Variants in VPS53 observed in about 807,000 individuals in gnomAD.
VPS53 encodes VPS53 subunit of GARP complex.
A neutral mutation model predicts 107.0 loss-of-function variants in VPS53; 70 were observed. The ratio of observed to expected loss-of-function variants is 0.65; its 90% confidence interval spans 0.54 to 0.80. The LOEUF is 0.80. Ranked by LOEUF, VPS53 falls within the 30% of genes least tolerant of loss-of-function variation. The pLI is 0.00. For missense variants in VPS53, 917 were observed against 1,049.4 expected, an observed-to-expected ratio of 0.87 and a Z score of 1.74; for synonymous variants, 409 against 393.3, an observed-to-expected ratio of 1.04 and a Z score of -0.47.
At position 713,647 on chromosome 17, in the gene VPS53, G is replaced by A. The variant is rs151254309; in HGVS notation, c.87+976C>T. Among the ~76,000 whole-genome samples the A allele has an allele frequency of 3.8e-3, 569 of 151,346 alleles. 3 individuals are homozygous for A. Among genetic ancestry groups the A allele is most frequent in the Middle Eastern group, 0.014 (4 of 294 alleles). ...AACCTGGGCGAAAGAGCGAGACTCCGTCTCAGAAAACAAAAAAAAAGAAAA... is the reference window on the plus strand; with the variant it reads ...AACCTGGGCGAAAGAGCGAGACTCCATCTCAGAAAACAAAAAAAAAGAAAA... On this transcript the variant is annotated intron_variant, in intron 1 of 21. Transcript: ENST00000437048.
At chr17:583,328 C>T (rs1445477380) in intron 13 of VPS53, among the ~76,000 whole-genome samples, 1 of 151,546 alleles carries the variant, frequency 6.6e-6, no homozygotes, top group Non-Finnish European at 1.5e-5. Context: ...TAATGCATTC[C>T]CACAGAACCT....
At chr17:529,507 A>C (rs561121570) in intron 19 of VPS53, among the ~76,000 whole-genome samples, 2 of 152,204 alleles carry the variant, frequency 1.3e-5, no homozygotes, top group South Asian at 4.1e-4. Flanking sequence ...TTTTGGAATA[A>C]TTTGCCGCTT....
rs1969787665 is a variant in VPS53 at position 627,978 on chromosome 17, A to C, written c.831+110T>G. On this transcript the variant is annotated intron_variant, in intron 9 of 21. Coordinates refer to ENST00000437048, the MANE Select transcript of VPS53 (RefSeq NM_001128159.3). ...CCCTAGGACTCACAGCTCAACAACC[A>C]ACACTGTCAGACAGTCATGTAATAC... is the stretch of plus-strand genomic sequence containing the variant. The C allele has an allele frequency of 8.8e-6, 10 of 1,134,752 alleles. No homozygotes were observed. In the East Asian group the frequency reaches 2.1e-4, roughly 23 times the overall value. The allele number at this position is 1,134,752 out of a possible 1,614,324, so 70.3% of individuals were successfully genotyped here. A position where few individuals can be genotyped will look rare whatever the true frequency, so the allele number is the denominator to read the frequency against.
intron 7 of VPS53, among the ~76,000 whole-genome samples, chr17:646,223 CTCTGCCTG>C: frequency 7.9e-6 from 1 of 127,118 alleles, no homozygotes; most frequent in Admixed American, 9.0e-5. Context: ...ACCGTGTGGC[CTCTGCCTG>C]ATAAGGGTCT....
chr17:632,878 T>C (rs567227561), intron 7 of VPS53: 7 of 412,768 alleles, frequency 1.7e-5, no homozygotes, highest in Non-Finnish European at 2.9e-5. Flanking sequence ...GTTAAGTTTT[T>C]AAACAAATAA....
At chr17:543,441 AC>A (rs1443849981) in intron 17 of VPS53, among the ~76,000 whole-genome samples, 1 of 152,080 alleles carries the variant, frequency 6.6e-6, no homozygotes, top group African/African-American at 2.4e-5. Flanking sequence ...TCCTAAAACT[AC>A]CATTAATAGG....
chr17:610,127 TCACACACACACACACACA>T lies in VPS53; in HGVS notation c.1117-8249_1117-8232del, dbSNP rs200106767. Among the ~76,000 whole-genome samples the T allele has an allele frequency of 2.1e-3, 283 of 134,608 alleles. 2 individuals carry two copies. Among genetic ancestry groups the T allele is most frequent in the East Asian group, 0.02 (94 of 4,750 alleles). The allele number at this position is 134,608 out of a possible 152,430, so 88.3% of individuals were successfully genotyped here. A position where few individuals can be genotyped will look rare whatever the true frequency, so the allele number is the denominator to read the frequency against. The stretch of plus-strand genomic sequence containing the variant: ...GCCTGGGCGACAGAGTGAGACTCCG[TCACACACACACACACACA>T]CACACACACACACACACACACACAC... On this transcript the variant is annotated intron_variant, in intron 11 of 21. Transcript: ENST00000437048.
intron 2 of VPS53, among the ~76,000 whole-genome samples, chr17:701,114 A>G (rs2143944555): frequency 6.6e-6 from 1 of 152,264 alleles, no homozygotes; most frequent in African/African-American, 2.4e-5. Flanking sequence ...ACTTAAATCC[A>G]GGAATTCAAG....
intron 12 of VPS53, among the ~76,000 whole-genome samples, chr17:587,823 C>G (rs1296674845): frequency 6.6e-6 from 1 of 152,090 alleles, no homozygotes; most frequent in Non-Finnish European, 1.5e-5. Context: ...AATTGAACTA[C>G]TCATATCTTA....
rs1567591649 is a variant in VPS53, at chr17:516,170, TGTA to T, written c.*2955_*2957del. On this transcript the variant is annotated 3_prime_UTR_variant, in exon 22 of 22. Transcript: ENST00000437048. ...TTCACCACGTTGGCACCAGCTCAAG[TGTA>T]GTGTCGGCGCACTTTTAGCTTAGAG... is the stretch of plus-strand genomic sequence containing the variant. 1 of 152,016 alleles carries T rather than the reference TGTA, an allele frequency of 6.6e-6. No homozygotes were observed. Among genetic ancestry groups the T allele is most frequent in the African/African-American group, 2.4e-5 (1 of 41,370 alleles). 9.4% of individuals were successfully genotyped at this position (152,016 alleles called of 1,614,324 possible). A position where few individuals can be genotyped will look rare whatever the true frequency, so the allele number is the denominator to read the frequency against.
chr17:648,744 A>G (rs868220358), intron 7 of VPS53, among the ~76,000 whole-genome samples: 3,176 of 103,790 alleles, frequency 0.031, 31 homozygotes, highest in East Asian at 0.066. Flanking sequence ...ATCTTACACT[A>G]TAGGACAGAG....
rs1465043387 is a variant in VPS53 at position 536,641 on chromosome 17, G to A, written c.2015+387C>T. ...ATTAAAATCAGTACTGCAGGCACCA[G>A]AACAAACCGCAGCTGGATGGTGGGG... On this transcript the variant is annotated intron_variant, in intron 18 of 21. Transcript: ENST00000437048. 2.1e-5 allele frequency: 4 copies of A among 191,564 alleles called. No individual in the cohort carries two copies. The Admixed American group carries it at 2.3e-4, about 11-fold the overall frequency. 11.9% of individuals were successfully genotyped at this position (191,564 alleles called of 1,614,324 possible).
chr17:549,462 G>A (rs558687049), intron 17 of VPS53, among the ~76,000 whole-genome samples: 1 of 152,262 alleles, frequency 6.6e-6, no homozygotes, highest in African/African-American at 2.4e-5. Context: ...TTGCTGGTGT[G>A]GGCACGGGGC....
chr17:662,891 A>AAGGAAGGCAGGCAGGC (rs1370616729), intron 4 of VPS53, among the ~76,000 whole-genome samples: 22 of 137,656 alleles, frequency 1.6e-4, no homozygotes, highest in African/African-American at 5.7e-4. Context: ...GGAAGGAAGG[A>AAGGAAGGCAGGCAGGC]AGGCAGGCAG....
At position 511,948 on chromosome 17, in the gene VPS53, A is replaced by T. The variant is rs1907971245; in HGVS notation, c.*7180T>A. 6.6e-6 allele frequency: 1 copy of T among 152,222 alleles called. No individual in the cohort carries two copies. Among genetic ancestry groups the T allele is most frequent in the South Asian group, 2.1e-4 (1 of 4,824 alleles). The allele number at this position is 152,222 out of a possible 1,614,324, so 9.4% of individuals were successfully genotyped here. On this transcript the variant is annotated 3_prime_UTR_variant, in exon 22 of 22. Transcript: ENST00000437048. ...ACATGCCCTATTTTCCACAACAGGC[A>T]GCCTCGCCACCAGCCCCAGGAGGGA...
At chr17:608,617 C>CTT (rs1201532086) in intron 11 of VPS53, among the ~76,000 whole-genome samples, 16 of 135,876 alleles carry the variant, frequency 1.2e-4, no homozygotes, top group African/African-American at 2.4e-4. Flanking sequence ...CTTTTCTTTT[C>CTT]TTTTCTTTTT....
chr17:584,677 C>T (rs1967221158), intron 13 of VPS53, among the ~76,000 whole-genome samples: 1 of 152,068 alleles, frequency 6.6e-6, no homozygotes, highest in Admixed American at 6.5e-5. Flanking sequence ...TGCATCACCA[C>T]ACCTGACTAG....
chr17:527,481 T>C (rs1227763288), intron 19 of VPS53, among the ~76,000 whole-genome samples: 3 of 152,208 alleles, frequency 2.0e-5, no homozygotes, highest in African/African-American at 7.2e-5. Flanking sequence ...TGCTGGATCA[T>C]GGGGTAGGCA....
At chr17:639,005 A>G (rs2036787438) in intron 7 of VPS53, among the ~76,000 whole-genome samples, 1 of 152,344 alleles carries the variant, frequency 6.6e-6, no homozygotes, top group African/African-American at 2.4e-5. Flanking sequence ...AATATCCTGC[A>G]GAGTGTTTTC....
Sources: allele counts gnomAD v4.1 joint callset (sites outside exome capture counted in the v4.1 genomes callset), GRCh38; gene constraint gnomAD v4.1.1; transcripts MANE v1.5; gene names NCBI Gene and HGNC (gene_info 2026-07-23, HGNC 2026-07-21).